The following CAMTA1 variants were observed in gnomAD, a reference collection of about 807,000 sequenced individuals.
CAMTA1 encodes the protein calmodulin-binding transcription activator 1.
Under a neutral mutation model 170.9 loss-of-function variants are expected in CAMTA1, and 27 were observed. The ratio of observed to expected loss-of-function variants is 0.16; its 90% confidence interval spans 0.12 to 0.22. The LOEUF is 0.22. Ranked by LOEUF, CAMTA1 falls within the 10% of genes least tolerant of loss-of-function variation. CAMTA1 has a pLI of 1.00. For missense variants in CAMTA1, 1,619 were observed against 2,217.2 expected (o/e 0.73, Z 5.42); for synonymous variants, 833 against 891.5 (o/e 0.93, Z 1.17).
intron 11 of CAMTA1, among the ~76,000 whole-genome samples, chr1:7,705,628 G>C (rs191855331): frequency 6.6e-6 from 1 of 152,164 alleles, no homozygotes; most frequent in South Asian, 2.1e-4. Flanking sequence ...ACCCAGTGCC[G>C]CCTCCTTCCC....
chr1:6,997,444 G>A (rs985913464), intron 3 of CAMTA1, among the ~76,000 whole-genome samples: 41 of 152,050 alleles, frequency 2.7e-4, no homozygotes, highest in African/African-American at 8.7e-4. Context: ...AGTTCCTTTC[G>A]GAAGCATGTC....
intron 5 of CAMTA1, among the ~76,000 whole-genome samples, chr1:7,413,124 T>C (rs1469961911): frequency 3.3e-5 from 5 of 152,064 alleles, no homozygotes; most frequent in Admixed American, 3.3e-4. Flanking sequence ...TATCTCTGTT[T>C]TGGTACCAGT....
intron 5 of CAMTA1, among the ~76,000 whole-genome samples, chr1:7,423,050 C>T (rs562410999): frequency 1.1e-3 from 174 of 152,118 alleles, no homozygotes; most frequent in Non-Finnish European, 7.5e-4. Flanking sequence ...CGATTACTAC[C>T]AATAAGGCTC....
At chr1:7,273,659 G>A (rs1284989143) in intron 5 of CAMTA1, among the ~76,000 whole-genome samples, 1 of 152,132 alleles carries the variant, frequency 6.6e-6, no homozygotes, top group African/African-American at 2.4e-5. Context: ...ATTAGCTTAT[G>A]GTGACAGTTT....
intron 4 of CAMTA1, among the ~76,000 whole-genome samples, chr1:7,109,776 T>G (rs1167736774): frequency 6.6e-6 from 1 of 152,202 alleles, no homozygotes; most frequent in East Asian, 1.9e-4. Flanking sequence ...CCTTAGTGTT[T>G]GAGGACTGGG....
intron 8 of CAMTA1, among the ~76,000 whole-genome samples, chr1:7,662,843 T>A (rs1037778337): frequency 7.2e-5 from 11 of 152,048 alleles, no homozygotes; most frequent in African/African-American, 2.7e-4. Flanking sequence ...CACCTCCCCA[T>A]TGACCTCTGG....
At chr1:6,899,428 A>G (rs759377294) in intron 3 of CAMTA1, among the ~76,000 whole-genome samples, 4 of 152,228 alleles carry the variant, frequency 2.6e-5, no homozygotes, top group Non-Finnish European at 5.9e-5. Context: ...AAACAGTGTG[A>G]TTTAAGTTTG....
intron 3 of CAMTA1, among the ~76,000 whole-genome samples, chr1:6,925,357 CA>C (rs1016852964): frequency 1.3e-5 from 2 of 151,910 alleles, no homozygotes; most frequent in Non-Finnish European, 2.9e-5. Flanking sequence ...GTGCCTCGTG[CA>C]AAAAAAGGGT....
chr1:7,704,809 CGGGCGGGGCCGGGCG>C (rs1553255871), intron 11 of CAMTA1, among the ~76,000 whole-genome samples: 2 of 145,226 alleles, frequency 1.4e-5, no homozygotes, highest in Admixed American at 1.4e-4. Context: ...TGGGCCGGGC[CGGGCGGGGCCGGGCG>C]GGGCGCGGGA....
At position 6,871,776 on chromosome 1, in the gene CAMTA1, C is replaced by G. The variant is rs527541178; in HGVS notation, c.234+46566C>G. 19 of 1,534,688 alleles carry G rather than the reference C, an allele frequency of 1.2e-5. No homozygotes were observed. The African/African-American group carries it at 1.8e-4, about 14-fold the overall frequency. ...TTGCAGAGATCATGATGCAGCCGTC[C>G]TTTTGGATTTCTTTTTAATAATGTG... On this transcript the variant is annotated intron_variant, in intron 3 of 22. Coordinates refer to ENST00000303635, the MANE Select transcript of CAMTA1 (RefSeq NM_015215.4).
At chr1:7,396,163 A>G (rs1304688647) in intron 5 of CAMTA1, among the ~76,000 whole-genome samples, 2 of 152,194 alleles carry the variant, frequency 1.3e-5, no homozygotes, top group African/African-American at 4.8e-5. Context: ...TAATGAGGGA[A>G]TTCGTGTTCT....
chr1:7,414,306 T>C (rs1397029671), intron 5 of CAMTA1, among the ~76,000 whole-genome samples: 1 of 152,212 alleles, frequency 6.6e-6, no homozygotes, highest in East Asian at 1.9e-4. Flanking sequence ...TCTTTTTCTA[T>C]TGATTGGAAT....
chr1:7,256,923 C>T (rs1332745376), intron 5 of CAMTA1, among the ~76,000 whole-genome samples: 1 of 152,064 alleles, frequency 6.6e-6, no homozygotes, highest in Non-Finnish European at 1.5e-5. Flanking sequence ...GCATAGATGG[C>T]CATCTTCTCA....
At chr1:7,636,677 C>T (rs1489035341) in intron 6 of CAMTA1, among the ~76,000 whole-genome samples, 2 of 151,638 alleles carry the variant, frequency 1.3e-5, no homozygotes, top group African/African-American at 4.9e-5. Flanking sequence ...CCATTGCACT[C>T]CAGCCTGGGC....
chr1:7,328,431 G>A (rs558603280), intron 5 of CAMTA1, among the ~76,000 whole-genome samples: 2 of 152,310 alleles, frequency 1.3e-5, no homozygotes, highest in South Asian at 2.1e-4. Context: ...GGAGGCAGAA[G>A]TTGCAGTGAG....
intron 16 of CAMTA1, among the ~76,000 whole-genome samples, chr1:7,744,437 C>T (rs1350203506): frequency 6.6e-6 from 1 of 152,106 alleles, no homozygotes. Context: ...CAGCCTAGAC[C>T]GGGGTTCTCT....
chr1:6,963,714 TG>T (rs1315226466), intron 3 of CAMTA1, among the ~76,000 whole-genome samples: 1 of 151,848 alleles, frequency 6.6e-6, no homozygotes, highest in African/African-American at 2.4e-5. Context: ...CTGACCTGGC[TG>T]GGGGGGCGCG....
chr1:7,419,649 CTAAGTGTCG>C (rs912496843), intron 5 of CAMTA1, among the ~76,000 whole-genome samples: 3 of 152,208 alleles, frequency 2.0e-5, no homozygotes, highest in African/African-American at 7.2e-5. Context: ...ACTCAGACTC[CTAAGTGTCG>C]ACTCATCCTC....
At chr1:7,546,951 A>G (rs1006559291) in intron 6 of CAMTA1, among the ~76,000 whole-genome samples, 1 of 152,158 alleles carries the variant, frequency 6.6e-6, no homozygotes, top group Non-Finnish European at 1.5e-5. Flanking sequence ...ATTTTGTGAG[A>G]AAGTACTTTC....
Sources: allele counts gnomAD v4.1 joint callset (sites outside exome capture counted in the v4.1 genomes callset), GRCh38; gene constraint gnomAD v4.1.1; transcripts MANE v1.5; gene names NCBI Gene and HGNC (gene_info 2026-07-23, HGNC 2026-07-21).